Variants in APPL2 observed in about 807,000 individuals in gnomAD.
The protein encoded by APPL2 is adaptor protein, phosphotyrosine interacting with PH domain and leucine zipper 2, also known as DCC-interacting protein 13-beta.
In APPL2, 84 loss-of-function variants were observed where a neutral mutation model predicts 92.7. That is an observed-to-expected ratio of 0.91 (90% CI 0.76 to 1.09). The LOEUF is 1.09. APPL2 is among the 50% of genes least tolerant of loss of function. APPL2 has a pLI of 0.00. For synonymous variants in APPL2, 291 were observed against 291.0 expected (o/e 1.00, Z 0.00); for missense variants, 736 against 824.5 (o/e 0.89, Z 1.31).
At position 105,177,083 on chromosome 12, in the gene APPL2, T is replaced by A. The variant is rs139517407; in HGVS notation, c.1672-67A>T. 4.5e-4 allele frequency: 719 copies of A among 1,607,932 alleles called. 3 individuals are homozygous for A. In the African/African-American group the frequency reaches 8.7e-3, roughly 19 times the overall value. On this transcript the variant is annotated intron_variant, in intron 18 of 20. Transcript: ENST00000258530. Reference sequence around the variant, plus strand: ...GAATTAAAAACTGACAAGGCTACTCTCTGGAAAAGTCATGAGAAAAAGTAT... The same window carrying A: ...GAATTAAAAACTGACAAGGCTACTCACTGGAAAAGTCATGAGAAAAAGTAT...
Position 105,190,096 on chromosome 12 carries a change from G to C in APPL2, c.1301C>G (p.Thr434Arg), listed in dbSNP as rs1439084760. Residue 434 changes from threonine to arginine, a missense_variant, in exon 15 of 21, where the codon ACA becomes AGA. Physicochemically the swap from Thr to Arg is moderately conservative, Grantham distance 71. Coordinates refer to ENST00000258530, the MANE Select transcript of APPL2 (RefSeq NM_018171.5). ...NENDKIVPKA[T>R]ASLPEAEELI... Reference sequence around the variant, plus strand: ...CTCCTCTGCTTCAGGTAGACTGGCTGTTGCTTTGGGAACAATCTTGTCATT... The same window carrying C: ...CTCCTCTGCTTCAGGTAGACTGGCTCTTGCTTTGGGAACAATCTTGTCATT... 1 of 1,614,148 alleles carries C rather than the reference G, an allele frequency of 6.2e-7. No homozygotes were observed. The highest frequency in any genetic ancestry group is 8.5e-7 in the Non-Finnish European group (1 of 1,180,004).
intron 17 of APPL2, among the ~76,000 whole-genome samples, chr12:105,187,901 G>T (rs79786821): frequency 6.6e-6 from 1 of 151,718 alleles, no homozygotes; most frequent in African/African-American, 2.4e-5. Context: ...TCTCTGTGAT[G>T]GCCAAGTTAT....
rs769306446 is a variant in APPL2, at chr12:105,195,297, G to A, written c.1205C>T (p.Thr402Ile). The change falls in exon 14 of 21, where the codon ACA becomes ATA. Residue 402 changes from threonine to isoleucine, a missense_variant. Coordinates refer to ENST00000258530, the MANE Select transcript of APPL2 (RefSeq NM_018171.5). The stretch of plus-strand genomic sequence containing the variant: ...GCTTTCTTGTTTTTTTCCAAAACTT[G>A]TAATGGGAGTCACTGCTTGCAGAGC... ...QTALQAVTPITSFGKKQESSC... is the reference protein window; with the variant it reads ...QTALQAVTPIISFGKKQESSC... 3.7e-6 allele frequency: 6 copies of A among 1,614,136 alleles called. No individual in the cohort carries two copies. Among genetic ancestry groups the A allele is most frequent in the East Asian group, 4.5e-5 (2 of 44,884 alleles).
chr12:105,224,213 T>C (rs749202568), intron 2 of APPL2, among the ~76,000 whole-genome samples: 1 of 152,210 alleles, frequency 6.6e-6, no homozygotes, highest in Non-Finnish European at 1.5e-5. Context: ...AAGCTACATA[T>C]GCACCTCCTC....
chr12:105,178,165 A>G (rs1885733391), intron 17 of APPL2, among the ~76,000 whole-genome samples: 1 of 152,168 alleles, frequency 6.6e-6, no homozygotes, highest in South Asian at 2.1e-4. Context: ...AAAATAAACT[A>G]TATGAGAGAA....
chr12:105,224,186 C>A (rs1453270178), intron 2 of APPL2, among the ~76,000 whole-genome samples: 1 of 152,218 alleles, frequency 6.6e-6, no homozygotes, highest in Admixed American at 6.5e-5. Flanking sequence ...TTCACGCCCT[C>A]TGCTCCCTCC....
At chr12:105,198,546 C>T (rs550008491) in intron 10 of APPL2, among the ~76,000 whole-genome samples, 2 of 152,316 alleles carry the variant, frequency 1.3e-5, no homozygotes, top group East Asian at 3.9e-4. Context: ...AGAGGTACTC[C>T]AGCCTGGTAA....
chr12:105,200,042 G>T (rs371237748), intron 9 of APPL2, among the ~76,000 whole-genome samples: 47 of 150,790 alleles, frequency 3.1e-4, no homozygotes, highest in Middle Eastern at 3.4e-3. Context: ...CACCGTGTTC[G>T]CCAGGACGGT....
chr12:105,232,763 C>CAAA (rs55939711), intron 1 of APPL2, among the ~76,000 whole-genome samples: 12 of 77,996 alleles, frequency 1.5e-4, no homozygotes, highest in South Asian at 4.8e-4. Context: ...GACCCTGTCT[C>CAAA]AAAAAAAAAA....
At chr12:105,197,608 T>C (rs1465847545) in intron 11 of APPL2, among the ~76,000 whole-genome samples, 157 bp downstream of exon 11, 1 of 152,128 alleles carries the variant, frequency 6.6e-6, no homozygotes, top group Non-Finnish European at 1.5e-5. Context: ...CGGGCTTGTT[T>C]AAAGAGAGCA....
At chr12:105,233,318 G>C in intron 1 of APPL2, 1 of 985,456 alleles carries the variant, frequency 1.0e-6, no homozygotes, top group South Asian at 4.7e-5. Context: ...AATGGAGGCA[G>C]ATTTCTTAAT....
At chr12:105,217,585 C>T (rs1203666035) in intron 3 of APPL2, 81 bp downstream of exon 3, 2 of 1,353,326 alleles carry the variant, frequency 1.5e-6, no homozygotes, top group Non-Finnish European at 1.0e-6. Flanking sequence ...TAATTTAGGT[C>T]TCTAAGGATG....
At chr12:105,191,185 T>C (rs1001429445) in intron 14 of APPL2, among the ~76,000 whole-genome samples, 1 of 152,238 alleles carries the variant, frequency 6.6e-6, no homozygotes, top group African/African-American at 2.4e-5. Context: ...GGCTTGTAGA[T>C]GGTCACTGCA....
rs888168874 is a variant in APPL2, at chr12:105,173,578, T to G, written c.*736A>C. On this transcript the variant is annotated 3_prime_UTR_variant, in exon 21 of 21. Coordinates refer to ENST00000258530, the MANE Select transcript of APPL2 (RefSeq NM_018171.5). ...GGTCTGGCTCAGAAGAAACAGGAAC[T>G]GGTAGAGCTGCACCCTGTCCACAGT... The G allele has an allele frequency of 6.5e-6, 1 of 152,788 alleles. No homozygotes were observed. The highest frequency in any genetic ancestry group is 2.1e-4 in the South Asian group (1 of 4,832). 9.5% of individuals were successfully genotyped at this position (152,788 alleles called of 1,614,324 possible). A position where few individuals can be genotyped will look rare whatever the true frequency, so the allele number is the denominator to read the frequency against.
At chr12:105,225,263 G>C (rs538111966) in intron 2 of APPL2, among the ~76,000 whole-genome samples, 2 of 152,154 alleles carry the variant, frequency 1.3e-5, no homozygotes, top group Non-Finnish European at 2.9e-5. Flanking sequence ...AGGGTTGCCA[G>C]GTTTCGTGAA....
Position 105,186,711 on chromosome 12 carries a change from C to CATAT in APPL2, c.1634+1558_1634+1561dup, listed in dbSNP as rs879874537. On this transcript the variant is annotated intron_variant, in intron 17 of 20. Transcript: ENST00000258530. Reference sequence around the variant, plus strand: ...ATATATCATATATCATATCATATATCATATCATATATATATCATATATATC... The same window carrying CATAT: ...ATATATCATATATCATATCATATATCATATATATCATATATATATCATATATATC... Among the ~76,000 whole-genome samples, 48 of 38,564 alleles carry CATAT rather than the reference C, an allele frequency of 1.2e-3. 1 individual carries two copies. In the South Asian group the frequency reaches 0.039, roughly 31 times the overall value. The allele number at this position is 38,564 out of a possible 152,430, so 25.3% of individuals were successfully genotyped here. A position where few individuals can be genotyped will look rare whatever the true frequency, so the allele number is the denominator to read the frequency against.
intron 1 of APPL2, chr12:105,229,633 G>A (rs1890773726): frequency 2.0e-6 from 2 of 993,474 alleles, no homozygotes; most frequent in South Asian, 4.5e-5. Flanking sequence ...TGTACCTGGG[G>A]TGTGGTCATC....
intron 5 of APPL2, among the ~76,000 whole-genome samples, chr12:105,209,862 C>T (rs1889064307): frequency 6.6e-6 from 1 of 152,210 alleles, no homozygotes; most frequent in Admixed American, 6.5e-5. Context: ...TTTAGTGCTG[C>T]CAAACTGACC....
chr12:105,201,965 A>G (rs1566074060), intron 9 of APPL2, among the ~76,000 whole-genome samples: 1 of 152,186 alleles, frequency 6.6e-6, no homozygotes, highest in Admixed American at 6.5e-5. Context: ...CCACCACCAG[A>G]TCCTGCTCTG....
Sources: gnomAD v4.1 joint callset for allele counts (sites outside exome capture counted in the v4.1 genomes callset) on GRCh38, gnomAD v4.1.1 for gene constraint, MANE v1.5 for transcripts, NCBI Gene and HGNC (gene_info 2026-07-23, HGNC 2026-07-21) for gene names.